The following MEMO1 variants were observed in gnomAD, a reference collection of about 807,000 sequenced individuals.
MEMO1 encodes protein MEMO1.
MEMO1 carries 6 observed loss-of-function variants against 45.2 expected under a neutral mutation model. The observed-to-expected ratio is 0.13, with a 90% CI of 0.07 to 0.26. The LOEUF (loss-of-function observed/expected upper bound fraction) is 0.26. Among genes scored for constraint, MEMO1 ranks in the 10% least tolerant of loss-of-function variants. The pLI is 1.00. For synonymous variants in MEMO1, 78 were observed against 124.3 expected, an observed-to-expected ratio of 0.63 and a Z score of 2.48; for missense variants, 184 against 370.5, an observed-to-expected ratio of 0.50 and a Z score of 4.13.
chr2:31,984,616 A>T (rs1264412176), intron 2 of MEMO1, among the ~76,000 whole-genome samples: 2 of 152,194 alleles, frequency 1.3e-5, no homozygotes, highest in Non-Finnish European at 2.9e-5. Flanking sequence ...CCTGGCTAAC[A>T]CGGTGAAACC....
At chr2:31,976,987 T>C (rs1286710086) in intron 2 of MEMO1, among the ~76,000 whole-genome samples, 2 of 152,148 alleles carry the variant, frequency 1.3e-5, no homozygotes, top group African/African-American at 4.8e-5. Context: ...AAGACCTATC[T>C]AGTTGGGTAA....
At chr2:31,920,674 A>T in intron 5 of MEMO1, 124 bp downstream of exon 5, 1 of 487,916 alleles carries the variant, frequency 2.0e-6, no homozygotes, top group East Asian at 4.2e-5. Flanking sequence ...CAGATTAGTT[A>T]TAACAATTTT....
chr2:31,875,249 G>A (rs1420600455), intron 8 of MEMO1, among the ~76,000 whole-genome samples: 1 of 152,082 alleles, frequency 6.6e-6, no homozygotes, highest in Non-Finnish European at 1.5e-5. Context: ...TTAAAATTAT[G>A]TTCCAGTAAT....
intron 8 of MEMO1, among the ~76,000 whole-genome samples, chr2:31,877,873 C>T (rs1023712995): frequency 2.0e-5 from 3 of 152,070 alleles, no homozygotes; most frequent in Non-Finnish European, 2.9e-5. Context: ...AAACTGCGTA[C>T]AGGAAGATTA....
chr2:31,996,466 C>T (rs895637325), intron 2 of MEMO1, among the ~76,000 whole-genome samples: 3 of 151,966 alleles, frequency 2.0e-5, no homozygotes, highest in Non-Finnish European at 4.4e-5. Context: ...ATCACTTGAA[C>T]CTGGCAGGCG....
intron 2 of MEMO1, among the ~76,000 whole-genome samples, chr2:31,961,446 G>A (rs1289741783): frequency 6.6e-6 from 1 of 151,258 alleles, no homozygotes; most frequent in Non-Finnish European, 1.5e-5. Context: ...AATGTGTCAG[G>A]CACACTACTG....
chr2:31,895,881 C>T (rs1158150495), intron 6 of MEMO1, among the ~76,000 whole-genome samples: 3 of 124,626 alleles, frequency 2.4e-5, no homozygotes, highest in African/African-American at 9.2e-5. Flanking sequence ...GTCTCGCTGT[C>T]GCCCAGGCTG....
chr2:31,961,876 A>T (rs1668045489), intron 2 of MEMO1, among the ~76,000 whole-genome samples: 1 of 152,154 alleles, frequency 6.6e-6, no homozygotes, highest in Non-Finnish European at 1.5e-5. Flanking sequence ...AAGTTTCCTC[A>T]AGGTCACATG....
At chr2:31,986,281 C>A (rs1484343950) in intron 2 of MEMO1, among the ~76,000 whole-genome samples, 3 of 152,152 alleles carry the variant, frequency 2.0e-5, no homozygotes, top group African/African-American at 7.2e-5. Flanking sequence ...GGCCTGTAGT[C>A]CCAGCCAGTC....
At chr2:32,005,066 CAT>C (rs760483693) in intron 2 of MEMO1, among the ~76,000 whole-genome samples, 2 of 152,052 alleles carry the variant, frequency 1.3e-5, no homozygotes, top group Non-Finnish European at 2.9e-5. Context: ...AAAAAACCCA[CAT>C]GTCCATCAAC....
intron 2 of MEMO1, among the ~76,000 whole-genome samples, chr2:31,979,134 A>G (rs1001379340): frequency 6.6e-6 from 1 of 152,182 alleles, no homozygotes; most frequent in East Asian, 1.9e-4. Context: ...AGGAGAGAGA[A>G]GAGAAAAGCC....
At position 31,940,604 on chromosome 2, in the gene MEMO1, A is replaced by C. The variant is rs370791274; in HGVS notation, c.143+2698T>G. Among the ~76,000 whole-genome samples the C allele has an allele frequency of 4.6e-5, 7 of 152,272 alleles. No homozygotes were observed. The East Asian group carries it at 1.3e-3, about 29-fold the overall frequency. On this transcript the variant is annotated intron_variant, in intron 3 of 9. Transcript: ENST00000404530. ...GCCCAAGCGGGAGTACAGTGGTGCAAACAGACCATAGCTCACTGTAGCCTC... is the reference window on the plus strand; with the variant it reads ...GCCCAAGCGGGAGTACAGTGGTGCACACAGACCATAGCTCACTGTAGCCTC...
At chr2:31,945,324 T>C (rs1269922158) in intron 2 of MEMO1, among the ~76,000 whole-genome samples, 3 of 152,230 alleles carry the variant, frequency 2.0e-5, no homozygotes, top group Non-Finnish European at 2.9e-5. Flanking sequence ...TCACTATTAA[T>C]ACATAATGCT....
At chr2:32,001,742 G>A (rs1047075937) in intron 2 of MEMO1, among the ~76,000 whole-genome samples, 4 of 152,198 alleles carry the variant, frequency 2.6e-5, no homozygotes, top group South Asian at 4.1e-4. Flanking sequence ...CTCAGATGAC[G>A]TAGCCTCCTC....
chr2:31,956,627 A>C (rs1477998304), intron 2 of MEMO1, among the ~76,000 whole-genome samples: 1 of 152,242 alleles, frequency 6.6e-6, no homozygotes, highest in Non-Finnish European at 1.5e-5. Context: ...AAAATAAACT[A>C]GTTAAATAAA....
At chr2:31,901,345 C>G (rs1678766661) in intron 6 of MEMO1, among the ~76,000 whole-genome samples, 1 of 127,742 alleles carries the variant, frequency 7.8e-6, no homozygotes, top group Non-Finnish European at 1.6e-5. Flanking sequence ...TGCACTCCAG[C>G]CTGAGCGAAA....
At chr2:31,963,030 A>T in intron 2 of MEMO1, 1 of 1,211,326 alleles carries the variant, frequency 8.3e-7, no homozygotes, top group Non-Finnish European at 1.1e-6. Context: ...TCAAGCAACA[A>T]CATCAGATTT....
intron 6 of MEMO1, among the ~76,000 whole-genome samples, chr2:31,913,754 A>G (rs1377749947): frequency 6.6e-6 from 1 of 152,142 alleles, no homozygotes; most frequent in Non-Finnish European, 1.5e-5. Flanking sequence ...ACTACCATGG[A>G]AGGGACACAG....
intron 6 of MEMO1, among the ~76,000 whole-genome samples, chr2:31,917,422 C>T (rs1681626596): frequency 1.3e-5 from 2 of 152,082 alleles, no homozygotes; most frequent in Non-Finnish European, 1.5e-5. Context: ...TGTCCTCGTT[C>T]GGCTCACAGT....
Sources: allele counts gnomAD v4.1 joint callset (sites outside exome capture counted in the v4.1 genomes callset), GRCh38; gene constraint gnomAD v4.1.1; transcripts MANE v1.5; gene names NCBI Gene and HGNC (gene_info 2026-07-23, HGNC 2026-07-21).